The following RAB11FIP3 variants were observed in gnomAD, a reference collection of about 807,000 sequenced individuals.
RAB11FIP3 encodes the protein RAB11 family interacting protein 3.
Under a neutral mutation model 77.8 loss-of-function variants are expected in RAB11FIP3, and 17 were observed. The observed-to-expected ratio is 0.22, with a 90% CI of 0.15 to 0.33. The LOEUF is 0.33. Ranked by LOEUF, RAB11FIP3 falls within the 10% of genes least tolerant of loss-of-function variation. The probability of loss-of-function intolerance (pLI) is 1.00; values close to 1 mark genes in which losing one functional copy is unlikely to be tolerated. For missense variants in RAB11FIP3, 1,005 were observed against 1,011.2 expected (o/e 0.99, Z 0.08); for synonymous variants, 437 against 448.2 (o/e 0.98, Z 0.31).
At chr16:479,212 C>T (rs996519628) in intron 3 of RAB11FIP3, among the ~76,000 whole-genome samples, 2 of 151,980 alleles carry the variant, frequency 1.3e-5, no homozygotes, top group Non-Finnish European at 2.9e-5. Context: ...AGCAACATGG[C>T]AAAACCCCAT....
intron 1 of RAB11FIP3, among the ~76,000 whole-genome samples, chr16:450,775 A>C (rs774606632): frequency 6.6e-5 from 10 of 152,096 alleles, no homozygotes; most frequent in Non-Finnish European, 1.5e-4. Context: ...CATTCTAGAG[A>C]AGCGCCATAA....
At chr16:496,955 A>G (rs2031191518) in intron 6 of RAB11FIP3, 96 bp downstream of exon 6, 1 of 1,366,046 alleles carries the variant, frequency 7.3e-7, no homozygotes, top group South Asian at 1.2e-5. Flanking sequence ...TTTCCAAGGT[A>G]TTTTTTAAAC....
At chr16:448,776 G>A (rs1329266769) in intron 1 of RAB11FIP3, among the ~76,000 whole-genome samples, 4 of 147,920 alleles carry the variant, frequency 2.7e-5, no homozygotes, top group East Asian at 4.0e-4. Flanking sequence ...TTAGCCGGGC[G>A]TGGTGGTGCA....
chr16:496,041 C>T (rs952477189), intron 5 of RAB11FIP3, among the ~76,000 whole-genome samples: 4 of 152,202 alleles, frequency 2.6e-5, no homozygotes, highest in South Asian at 2.1e-4. Context: ...TGAGCCACCA[C>T]GCCCGGCCCC....
rs1383997267 is a variant in RAB11FIP3 at position 496,806 on chromosome 16, AT to A, written c.1266-14del. 2 of 1,580,164 alleles carry A rather than the reference AT, an allele frequency of 1.3e-6. No individual in the cohort carries two copies. The highest frequency in any genetic ancestry group is 1.7e-6 in the Non-Finnish European group (2 of 1,149,692). Reference sequence around the variant, plus strand: ...GTCTGTTCTAACAATTTTCCTGTTTATTTTGTTTTCTGCACAGTCCGACAAA... The same window carrying A: ...GTCTGTTCTAACAATTTTCCTGTTTATTTGTTTTCTGCACAGTCCGACAAA... On this transcript the variant is annotated splice_polypyrimidine_tract_variant and intron_variant, in intron 5 of 13. Transcript: ENST00000262305.
rs1047075017 is a variant in RAB11FIP3 at position 521,460 on chromosome 16, G to C, written c.*621G>C. 1 of 155,026 alleles carries C rather than the reference G, an allele frequency of 6.5e-6. No individual in the cohort carries two copies. Among genetic ancestry groups the C allele is most frequent in the South Asian group, 2.0e-4 (1 of 5,074 alleles). The allele number at this position is 155,026 out of a possible 1,614,324, so 9.6% of individuals were successfully genotyped here. ...TGGTGCGTTCCCCAGCTCTCCCTAC[G>C]CTGCTCGGGCCATTGCCCAGCCAGA... On this transcript the variant is annotated 3_prime_UTR_variant, in exon 14 of 14. Transcript: ENST00000262305.
intron 8 of RAB11FIP3, among the ~76,000 whole-genome samples, chr16:509,009 T>C (rs536204838): frequency 6.6e-6 from 1 of 152,102 alleles, no homozygotes; most frequent in African/African-American, 2.4e-5. Context: ...GTTCAAATGA[T>C]TCTCGTGCTT....
intron 1 of RAB11FIP3, among the ~76,000 whole-genome samples, chr16:448,355 G>C (rs146118995): frequency 6.6e-6 from 1 of 151,702 alleles, no homozygotes; most frequent in Admixed American, 6.6e-5. Context: ...TGTAATCCTA[G>C]CACTTTGGGA....
intron 1 of RAB11FIP3, among the ~76,000 whole-genome samples, chr16:436,101 G>A (rs1387687571): frequency 2.0e-5 from 3 of 152,128 alleles, no homozygotes; most frequent in Non-Finnish European, 4.4e-5. Context: ...ACAAGGTCAG[G>A]AGTTCGAGAC....
Position 471,206 on chromosome 16 carries a change from C to T in RAB11FIP3, c.809-89C>T, listed in dbSNP as rs1279367029. On this transcript the variant is annotated intron_variant, in intron 2 of 13. Coordinates refer to ENST00000262305, the MANE Select transcript of RAB11FIP3 (RefSeq NM_014700.4). This position sits in a 1 kb window ranked among gnomAD's most constrained non-coding sequence, Gnocchi z 4.4. ...CTCCCACACATCTGTCCCTGGGGGC[C>T]TCCTTCCCAGGGAGTCCCGAGGCCG... The T allele has an allele frequency of 8.8e-7, 1 of 1,132,782 alleles. No individual in the cohort carries two copies. Among genetic ancestry groups the T allele is most frequent in the African/African-American group, 1.5e-5 (1 of 64,810 alleles). The allele number at this position is 1,132,782 out of a possible 1,614,324, so 70.2% of individuals were successfully genotyped here.
chr16:505,188 C>T lies in RAB11FIP3; in HGVS notation c.1396-336C>T, dbSNP rs1485806658. ...GCACCTGGGCTGCCTCTGTGAGCTG[C>T]ATCTGGCTGAGCAGAGACCCAACTG... On this transcript the variant is annotated intron_variant, in intron 7 of 13. Transcript: ENST00000262305. This position sits in a 1 kb window ranked among gnomAD's most constrained non-coding sequence, Gnocchi z 4.0. 1.3e-5 allele frequency among the ~76,000 whole-genome samples: 2 copies of T among 151,862 alleles called. No homozygotes were observed. Among genetic ancestry groups the T allele is most frequent in the African/African-American group, 4.8e-5 (2 of 41,344 alleles).
At chr16:469,766 C>T (rs1477753779) in intron 2 of RAB11FIP3, among the ~76,000 whole-genome samples, 1 of 152,286 alleles carries the variant, frequency 6.6e-6, no homozygotes, top group South Asian at 2.1e-4. Flanking sequence ...CTTAAGCAAT[C>T]CTCTAGTGTC....
chr16:443,727 G>A (rs1252493566), intron 1 of RAB11FIP3, among the ~76,000 whole-genome samples: 4 of 152,068 alleles, frequency 2.6e-5, no homozygotes, highest in Admixed American at 6.6e-5. Context: ...TACCACGCCC[G>A]GCTAATTTTT....
At chr16:432,404 A>G (rs1245676561) in intron 1 of RAB11FIP3, among the ~76,000 whole-genome samples, 1 of 152,100 alleles carries the variant, frequency 6.6e-6, no homozygotes, top group Non-Finnish European at 1.5e-5. Context: ...TAAAACTAGT[A>G]GGTAAAATAC....
rs1037507855 is a variant in RAB11FIP3 at position 522,196 on chromosome 16, G to A, written c.*1357G>A. The stretch of plus-strand genomic sequence containing the variant: ...AGTAGGTATTTTTTATAGATTGAAG[G>A]TTGATCAATTTTTTAATACTTTCAA... On this transcript the variant is annotated 3_prime_UTR_variant, in exon 14 of 14. Transcript: ENST00000262305. The A allele has an allele frequency of 3.3e-5, 5 of 149,742 alleles. No individual in the cohort carries two copies. Among genetic ancestry groups the A allele is most frequent in the Non-Finnish European group, 7.4e-5 (5 of 67,602 alleles). 9.3% of individuals were successfully genotyped at this position (149,742 alleles called of 1,614,324 possible).
chr16:431,098 A>G (rs1409897689), intron 1 of RAB11FIP3, among the ~76,000 whole-genome samples: 16 of 151,994 alleles, frequency 1.1e-4, no homozygotes, highest in Admixed American at 1.3e-4. Context: ...GCAGTTACAT[A>G]TGTGAGCTGG....
intron 4 of RAB11FIP3, among the ~76,000 whole-genome samples, chr16:486,624 G>A (rs1196861521): frequency 2.0e-5 from 3 of 152,250 alleles, no homozygotes; most frequent in East Asian, 3.8e-4. Flanking sequence ...GCGTCTGGGT[G>A]CAGACCGTCC....
intron 6 of RAB11FIP3, among the ~76,000 whole-genome samples, chr16:501,765 G>T (rs1451162895): frequency 7.0e-6 from 1 of 142,792 alleles, no homozygotes; most frequent in African/African-American, 2.6e-5. Flanking sequence ...CAAGGAAGCT[G>T]GGAGAGGGTC....
At chr16:496,310 A>G (rs560426034) in intron 5 of RAB11FIP3, among the ~76,000 whole-genome samples, 34 of 152,360 alleles carry the variant, frequency 2.2e-4, no homozygotes, top group Admixed American at 1.9e-3. Flanking sequence ...CAGCTGATGT[A>G]TAATTGGCTA....
Sources: allele counts gnomAD v4.1 joint callset (sites outside exome capture counted in the v4.1 genomes callset), GRCh38; gene constraint gnomAD v4.1.1; non-coding constraint Gnocchi (gnomAD v3.1); transcripts MANE v1.5; gene names NCBI Gene and HGNC (gene_info 2026-07-23, HGNC 2026-07-21).